The following ERP44 variants were observed in gnomAD, a reference collection of about 807,000 sequenced individuals.
ERP44 encodes the protein endoplasmic reticulum resident protein 44.
Under a neutral mutation model 53.4 loss-of-function variants are expected in ERP44, and 25 were observed. The observed-to-expected ratio is 0.47, with a 90% CI of 0.34 to 0.65. The LOEUF (loss-of-function observed/expected upper bound fraction) is 0.65. ERP44 is among the 30% of genes least tolerant of loss of function. The probability of loss-of-function intolerance (pLI) is 0.01; values close to 1 mark genes in which losing one functional copy is unlikely to be tolerated. For synonymous variants in ERP44, 145 were observed against 161.2 expected (o/e 0.90, Z 0.76); for missense variants, 338 against 493.2 (o/e 0.69, Z 2.98).
chr9:99,991,919 G>A (rs973117496), intron 10 of ERP44, among the ~76,000 whole-genome samples: 4 of 152,188 alleles, frequency 2.6e-5, no homozygotes, highest in Non-Finnish European at 5.9e-5. Flanking sequence ...AAATCTAGAA[G>A]AAATGGATAA....
intron 4 of ERP44, among the ~76,000 whole-genome samples, chr9:100,032,794 C>T (rs899348783): frequency 6.6e-6 from 1 of 152,166 alleles, no homozygotes; most frequent in Admixed American, 6.5e-5. Context: ...AGAACTCTAA[C>T]AGGTATTCTT....
intron 10 of ERP44, among the ~76,000 whole-genome samples, chr9:99,987,769 C>CA (rs1554705362): frequency 6.8e-6 from 1 of 147,604 alleles, no homozygotes; most frequent in African/African-American, 2.5e-5. Context: ...ATAAGAATGG[C>CA]TTTTTTTTTT....
At chr9:100,050,115 A>G (rs2118704081) in intron 4 of ERP44, among the ~76,000 whole-genome samples, 1 of 151,974 alleles carries the variant, frequency 6.6e-6, no homozygotes, top group Admixed American at 6.6e-5. Flanking sequence ...AATGCAAACC[A>G]ATCTCCAGTG....
intron 1 of ERP44, among the ~76,000 whole-genome samples, chr9:100,080,727 A>G (rs796612951): frequency 2.8e-4 from 43 of 152,298 alleles, no homozygotes; most frequent in African/African-American, 9.1e-4. Context: ...ATGGAAGTTC[A>G]TGTAGTGCCT....
chr9:99,997,537 C>T (rs1020290947), intron 10 of ERP44, among the ~76,000 whole-genome samples: 1 of 152,088 alleles, frequency 6.6e-6, no homozygotes, highest in Non-Finnish European at 1.5e-5. Context: ...AAGTTATTTA[C>T]AAATAAAGTG....
intron 1 of ERP44, among the ~76,000 whole-genome samples, chr9:100,093,038 A>T (rs1464643719): frequency 1.3e-5 from 2 of 152,222 alleles, no homozygotes; most frequent in Non-Finnish European, 2.9e-5. Context: ...AGAGAACATC[A>T]TTGTATGCAT....
Position 100,016,405 on chromosome 9 carries a change from T to G in ERP44, c.679A>C (p.Met227Leu). 6.2e-7 allele frequency: 1 copy of G among 1,612,366 alleles called. No homozygotes were observed. Among genetic ancestry groups the G allele is most frequent in the Non-Finnish European group, 8.5e-7 (1 of 1,179,478 alleles). ...TTGTAAGTCACATCAAAATTTGTCATAGCTCCCAAGTACACCATATCCGGA... is the reference window on the plus strand; with the variant it reads ...TTGTAAGTCACATCAAAATTTGTCAGAGCTCCCAAGTACACCATATCCGGA... ...SAPDMVYLGA[M>L]TNFDVTYNWI... Residue 227 changes from methionine to leucine, a missense_variant, in exon 8 of 12, where the codon ATG (methionine) becomes CTG (leucine). By Grantham distance (15) the Met-to-Leu change is conservative (BLOSUM62 2). This residue lies in a region of ERP44 where 224 missense variants were observed against 301.4 expected (regional missense o/e 0.74). Coordinates refer to ENST00000262455, the MANE Select transcript of ERP44 (RefSeq NM_015051.3).
intron 4 of ERP44, among the ~76,000 whole-genome samples, chr9:100,023,694 G>A (rs1483931194): frequency 2.0e-5 from 3 of 151,860 alleles, no homozygotes; most frequent in Admixed American, 6.6e-5. Flanking sequence ...CAATCCTCCC[G>A]CCTCAGCCTC....
At chr9:100,085,697 C>T (rs755602542) in intron 1 of ERP44, among the ~76,000 whole-genome samples, 1 of 152,158 alleles carries the variant, frequency 6.6e-6, no homozygotes, top group African/African-American at 2.4e-5. Flanking sequence ...ATCAGGAGTT[C>T]GAGACCAGCC....
At position 100,020,760 on chromosome 9, in the gene ERP44, C is replaced by T. The variant is rs55827103; in HGVS notation, c.472-29G>A. 4,404 of 1,136,490 alleles carry T rather than the reference C, an allele frequency of 3.9e-3. 102 individuals carry two copies. In the African/African-American group the frequency reaches 0.057, roughly 15 times the overall value. The allele number at this position is 1,136,490 out of a possible 1,614,324, so 70.4% of individuals were successfully genotyped here. A position where few individuals can be genotyped will look rare whatever the true frequency, so the allele number is the denominator to read the frequency against. ...TAAAATAAAGTATGCAATTATTTTGCAAACATACATAGTTTTATAAACATG... is the reference window on the plus strand; with the variant it reads ...TAAAATAAAGTATGCAATTATTTTGTAAACATACATAGTTTTATAAACATG... On this transcript the variant is annotated intron_variant, in intron 5 of 11. Coordinates refer to ENST00000262455, the MANE Select transcript of ERP44 (RefSeq NM_015051.3).
At chr9:100,006,417 T>C (rs1367440379) in intron 10 of ERP44, 89 bp downstream of exon 10, 8 of 990,654 alleles carry the variant, frequency 8.1e-6, no homozygotes, top group East Asian at 2.6e-5. Flanking sequence ...TGTTCCAACA[T>C]AGGATTATTT....
chr9:100,097,823 G>A (rs796327663), intron 1 of ERP44, among the ~76,000 whole-genome samples: 2 of 152,228 alleles, frequency 1.3e-5, no homozygotes, highest in Non-Finnish European at 2.9e-5. Context: ...GTAACTAGCT[G>A]TGTGACTTCA....
At chr9:100,001,955 C>T (rs1830382219) in intron 10 of ERP44, among the ~76,000 whole-genome samples, 2 of 151,752 alleles carry the variant, frequency 1.3e-5, no homozygotes, top group South Asian at 2.1e-4. Context: ...AGGCTTTATT[C>T]CTTAATTTTT....
intron 1 of ERP44, among the ~76,000 whole-genome samples, chr9:100,068,560 A>T (rs1269766780): frequency 3.5e-4 from 44 of 126,714 alleles, no homozygotes; most frequent in South Asian, 5.4e-4. Flanking sequence ...CCCGTCGGGG[A>T]GGGAGGTGGG....
At chr9:99,993,496 T>C (rs1401634352) in intron 10 of ERP44, among the ~76,000 whole-genome samples, 1 of 152,170 alleles carries the variant, frequency 6.6e-6, no homozygotes, top group Non-Finnish European at 1.5e-5. Context: ...CCTTACACCA[T>C]ATACAAAAAT....
At chr9:100,091,914 T>C (rs1218932218) in intron 1 of ERP44, among the ~76,000 whole-genome samples, 3 of 152,204 alleles carry the variant, frequency 2.0e-5, no homozygotes, top group Admixed American at 6.5e-5. Flanking sequence ...TATAACCCAC[T>C]TCTACAAACA....
intron 1 of ERP44, among the ~76,000 whole-genome samples, chr9:100,076,597 G>A (rs1439571048): frequency 2.0e-5 from 3 of 152,212 alleles, no homozygotes; most frequent in Admixed American, 1.3e-4. Context: ...TGCATGGAAG[G>A]AGAAATGGCT....
At chr9:100,052,701 ATT>A (rs1564098563) in intron 3 of ERP44, among the ~76,000 whole-genome samples, 169 bp from the exon 4 acceptor site, 1 of 152,210 alleles carries the variant, frequency 6.6e-6, no homozygotes, top group Non-Finnish European at 1.5e-5. Context: ...GATGAAGACA[ATT>A]TTAAGTTCAA....
At chr9:100,047,013 T>A (rs1187533911) in intron 4 of ERP44, among the ~76,000 whole-genome samples, 1 of 152,178 alleles carries the variant, frequency 6.6e-6, no homozygotes, top group African/African-American at 2.4e-5. Context: ...GAAGAAAGGA[T>A]AGTCTTTTCA....
Sources: gnomAD v4.1 joint callset for allele counts (sites outside exome capture counted in the v4.1 genomes callset) on GRCh38, gnomAD v4.1.1 for gene constraint, gnomAD v4.1.1 regional missense constraint, MANE v1.5 for transcripts, NCBI Gene and HGNC (gene_info 2026-07-23, HGNC 2026-07-21) for gene names.